STRN: variants seen among roughly 807,000 people sequenced by gnomAD.
STRN encodes protein phosphatase 2 regulatory subunit B'''alpha.
Under a neutral mutation model 96.3 loss-of-function variants are expected in STRN, and 53 were observed. The observed-to-expected ratio is 0.55, with a 90% CI of 0.44 to 0.69. STRN has a LOEUF of 0.69. Ranked by LOEUF, STRN falls within the 30% of genes least tolerant of loss-of-function variation. The pLI, the probability that STRN is intolerant of heterozygous loss-of-function variation, is 0.00. For synonymous variants in STRN, 428 were observed against 355.9 expected (o/e 1.20, Z -2.28); for missense variants, 987 against 963.9 (o/e 1.02, Z -0.32).
chr2:36,854,462 CA>C (rs1558622102), intron 15 of STRN, among the ~76,000 whole-genome samples: 1 of 152,046 alleles, frequency 6.6e-6, no homozygotes, highest in Non-Finnish European at 1.5e-5. Flanking sequence ...ATGAAAACCA[CA>C]AAGGAATAAA....
rs961979375 is a variant in STRN at position 36,837,713 on chromosome 2, A to G, written c.*11743T>C. Among the ~76,000 whole-genome samples the G allele has an allele frequency of 1.3e-5, 2 of 152,246 alleles. No individual in the cohort carries two copies. The highest frequency in any genetic ancestry group is 6.5e-5 in the Admixed American group (1 of 15,278). ...TTCACTCAAGTGAAATTCAAAAGGC[A>G]AAGTTTTATTTGGAAAAAGTACTTT... On this transcript the variant is annotated 3_prime_UTR_variant, in exon 18 of 18. Coordinates refer to ENST00000263918, the MANE Select transcript of STRN (RefSeq NM_003162.4).
chr2:36,885,976 T>G (rs1231864027), intron 8 of STRN, among the ~76,000 whole-genome samples: 4 of 152,056 alleles, frequency 2.6e-5, no homozygotes, highest in African/African-American at 9.7e-5. Flanking sequence ...TCAGGAATGG[T>G]TTGTAAGGTT....
At position 36,899,753 on chromosome 2, in the gene STRN, G is replaced by C. The variant is rs1001075695; in HGVS notation, c.660-95C>G. The C allele has an allele frequency of 7.8e-6, 9 of 1,154,770 alleles. No individual in the cohort carries two copies. The African/African-American group carries it at 1.3e-4, about 16-fold the overall frequency. 71.5% of individuals were successfully genotyped at this position (1,154,770 alleles called of 1,614,324 possible). On this transcript the variant is annotated intron_variant, in intron 5 of 17. Coordinates refer to ENST00000263918, the MANE Select transcript of STRN (RefSeq NM_003162.4). ...TGTTACATCAACTTCTATTTATATG[G>C]TAACTATAAATCCCAAATCACATTA...
chr2:36,938,257 C>G (rs1572688582), intron 1 of STRN, among the ~76,000 whole-genome samples: 1 of 151,920 alleles, frequency 6.6e-6, no homozygotes, highest in East Asian at 1.9e-4. Context: ...AAAACACCGC[C>G]TCTACTAAAA....
At chr2:36,862,602 T>C (rs914266971) in intron 12 of STRN, among the ~76,000 whole-genome samples, 1 of 152,118 alleles carries the variant, frequency 6.6e-6, no homozygotes, top group African/African-American at 2.4e-5. Context: ...GGTTGTTTTT[T>C]GCTTGTTAAT....
chr2:36,907,232 AATTT>A (rs1669845261), intron 3 of STRN, among the ~76,000 whole-genome samples: 2 of 152,070 alleles, frequency 1.3e-5, no homozygotes, highest in African/African-American at 4.8e-5. Context: ...GGACTGGAAA[AATTT>A]ATTTGGTGAC....
chr2:36,938,440 AAAAG>A (rs1220993298), intron 1 of STRN, among the ~76,000 whole-genome samples: 1 of 151,920 alleles, frequency 6.6e-6, no homozygotes, highest in Non-Finnish European at 1.5e-5. Context: ...AAAAAAAAAA[AAAAG>A]AGTTTAAGAA....
intron 5 of STRN, among the ~76,000 whole-genome samples, chr2:36,901,304 G>A (rs1041808858): frequency 2.6e-5 from 4 of 152,146 alleles, no homozygotes; most frequent in Non-Finnish European, 5.9e-5. Context: ...GGTAATCCCA[G>A]TACTTCAGGA....
At chr2:36,869,752 A>G (rs1318731573) in intron 10 of STRN, 23 bp from the exon 11 acceptor site, 1 of 1,551,126 alleles carries the variant, frequency 6.4e-7, no homozygotes, top group Admixed American at 2.0e-5. Flanking sequence ...CAAAACAAAG[A>G]TATCTACACA....
At chr2:36,877,257 G>A (rs1349996153) in intron 10 of STRN, among the ~76,000 whole-genome samples, 2 of 152,062 alleles carry the variant, frequency 1.3e-5, no homozygotes, top group Non-Finnish European at 2.9e-5. Flanking sequence ...ATATTGTTTA[G>A]GTAGGCACGA....
At chr2:36,920,371 G>C (rs1041399881) in intron 2 of STRN, among the ~76,000 whole-genome samples, 1 of 152,180 alleles carries the variant, frequency 6.6e-6, no homozygotes, top group African/African-American at 2.4e-5. Context: ...GGGCGCGGTG[G>C]CTCACACCTG....
chr2:36,874,770 A>G (rs1413633327), intron 10 of STRN, among the ~76,000 whole-genome samples: 2 of 151,888 alleles, frequency 1.3e-5, no homozygotes, highest in Admixed American at 6.6e-5. Context: ...TCAATACGCA[A>G]TAACAGTTGA....
At chr2:36,867,775 G>T in intron 12 of STRN, 39 bp downstream of exon 12, 1 of 1,352,614 alleles carries the variant, frequency 7.4e-7, no homozygotes, top group Non-Finnish European at 1.0e-6. Context: ...CTATTTTACA[G>T]AGATATCGGT....
chr2:36,860,428 G>C (rs548008504), intron 13 of STRN, among the ~76,000 whole-genome samples: 1 of 152,074 alleles, frequency 6.6e-6, no homozygotes, highest in African/African-American at 2.4e-5. Flanking sequence ...AAAAATTTTT[G>C]TTTATTGAAT....
chr2:36,961,735 G>A (rs911308938), intron 1 of STRN, among the ~76,000 whole-genome samples: 4 of 152,010 alleles, frequency 2.6e-5, no homozygotes, highest in South Asian at 2.1e-4. Context: ...ACATTCCGAC[G>A]GCTGCTCAGC....
At chr2:36,849,825 C>T (rs1478409127) in intron 16 of STRN, 25 bp from the exon 17 acceptor site, 1 of 1,604,258 alleles carries the variant, frequency 6.2e-7, no homozygotes, top group South Asian at 1.1e-5. Context: ...ATTGTTACTC[C>T]TTATTAATGC....
intron 6 of STRN, among the ~76,000 whole-genome samples, chr2:36,896,851 CG>C (rs1408741872): frequency 1.3e-5 from 2 of 151,968 alleles, no homozygotes; most frequent in Non-Finnish European, 2.9e-5. Context: ...CTGGTGATGA[CG>C]AGAATACTGA....
At chr2:36,937,031 G>C (rs1670717653) in intron 1 of STRN, among the ~76,000 whole-genome samples, 1 of 152,124 alleles carries the variant, frequency 6.6e-6, no homozygotes, top group African/African-American at 2.4e-5. Flanking sequence ...CTGCGGAAGA[G>C]ATAAATAAGC....
chr2:36,936,790 A>G (rs1206732280), intron 1 of STRN, among the ~76,000 whole-genome samples: 1 of 152,186 alleles, frequency 6.6e-6, no homozygotes, highest in Non-Finnish European at 1.5e-5. Flanking sequence ...AGCATTCTGA[A>G]ACAGATTACA....
Sources: allele counts gnomAD v4.1 joint callset (sites outside exome capture counted in the v4.1 genomes callset), GRCh38; gene constraint gnomAD v4.1.1; transcripts MANE v1.5; gene names NCBI Gene and HGNC (gene_info 2026-07-23, HGNC 2026-07-21).